RAD23B: variants seen among roughly 807,000 people sequenced by gnomAD.
RAD23B encodes RAD23 nucleotide excision repair protein B.
In RAD23B, 5 loss-of-function variants were observed where a neutral mutation model predicts 49.1. That is an observed-to-expected ratio of 0.10 (90% CI 0.05 to 0.21). The LOEUF (loss-of-function observed/expected upper bound fraction) is 0.21, where lower values mean the gene tolerates loss of function less well. RAD23B is among the 10% of genes least tolerant of loss of function. The pLI is 1.00. For synonymous variants in RAD23B, 184 were observed against 165.4 expected (o/e 1.11, Z -0.86); for missense variants, 356 against 486.7 (o/e 0.73, Z 2.53).
At chr9:107,304,110 A>G (rs774145723) in intron 3 of RAD23B, among the ~76,000 whole-genome samples, 7 of 150,896 alleles carry the variant, frequency 4.6e-5, no homozygotes, top group Non-Finnish European at 7.5e-5. Context: ...AAATGACCTT[A>G]TTAATACAAA....
Position 107,306,428 on chromosome 9 carries a change from C to T in RAD23B, c.278C>T (p.Pro93Leu). The part of the protein sequence containing the change: ...PAPATTQQSA[P>L]ASTTAVTSST... ...CCAGCTACAACTCAGCAGTCAGCTCCTGCCAGCACTACAGCAGTTACTTCC... is the reference window on the plus strand; with the variant it reads ...CCAGCTACAACTCAGCAGTCAGCTCTTGCCAGCACTACAGCAGTTACTTCC... The change falls in exon 4 of 10, where the codon CCT (proline) becomes CTT (leucine). Residue 93 changes from proline to leucine, a missense_variant. Physicochemically the swap from Pro to Leu is moderately conservative, Grantham distance 98. Transcript: ENST00000358015. 6.2e-7 allele frequency: 1 copy of T among 1,614,200 alleles called. No individual in the cohort carries two copies. Among genetic ancestry groups the T allele is most frequent in the Non-Finnish European group, 8.5e-7 (1 of 1,180,038 alleles).
chr9:107,310,453 T>C lies in RAD23B; in HGVS notation c.498-1229T>C, dbSNP rs561553973. Among the ~76,000 whole-genome samples, 9 of 152,320 alleles carry C rather than the reference T, an allele frequency of 5.9e-5. No individual in the cohort carries two copies. In the South Asian group the frequency reaches 1.9e-3, roughly 32 times the overall value. On this transcript the variant is annotated intron_variant, in intron 4 of 9. Coordinates refer to ENST00000358015, the MANE Select transcript of RAD23B (RefSeq NM_002874.5). ...TGATTTGGTCTTTTAAATGGAATAC[T>C]GTGCACATTTGGGAAGAAATTGAAG...
At chr9:107,306,045 T>A (rs10816488) in intron 3 of RAD23B, among the ~76,000 whole-genome samples, 4,922 of 26,102 alleles carry the variant, frequency 0.19, 344 homozygotes, top group Middle Eastern at 0.5. Context: ...ATGATACGGT[T>A]TATATCTATA....
intron 5 of RAD23B, among the ~76,000 whole-genome samples, chr9:107,316,349 A>G (rs565537351): frequency 1.3e-5 from 2 of 152,288 alleles, no homozygotes; most frequent in African/African-American, 4.8e-5. Context: ...TACCCTCCTC[A>G]TCTTTTAAAG....
At chr9:107,321,903 A>G in intron 6 of RAD23B, 80 bp from the exon 7 acceptor site, 1 of 1,323,628 alleles carries the variant, frequency 7.6e-7, no homozygotes, top group Non-Finnish European at 9.9e-7. Flanking sequence ...AAGATGTTAA[A>G]TAGACTATAA....
At chr9:107,301,299 C>T (rs1448706026) in intron 2 of RAD23B, among the ~76,000 whole-genome samples, 4 of 152,098 alleles carry the variant, frequency 2.6e-5, no homozygotes, top group African/African-American at 9.7e-5. Flanking sequence ...TTTTGGGGAG[C>T]AGGAAATTTG....
At chr9:107,284,945 A>G in intron 1 of RAD23B, 1 of 1,301,642 alleles carries the variant, frequency 7.7e-7, no homozygotes, top group South Asian at 1.2e-5. Flanking sequence ...AGTAAATGGA[A>G]TCGATTATTT....
At chr9:107,298,794 A>AAG (rs1454550927) in intron 1 of RAD23B, among the ~76,000 whole-genome samples, 1 of 152,080 alleles carries the variant, frequency 6.6e-6, no homozygotes, top group African/African-American at 2.4e-5. Context: ...AAGCACTGAA[A>AAG]AGACTGACAC....
At chr9:107,296,009 G>A (rs957708017) in intron 1 of RAD23B, among the ~76,000 whole-genome samples, 1 of 152,192 alleles carries the variant, frequency 6.6e-6, no homozygotes, top group African/African-American at 2.4e-5. Context: ...CAAGTATAGT[G>A]AACAGTTAAC....
At chr9:107,285,918 G>T (rs1279545844) in intron 1 of RAD23B, among the ~76,000 whole-genome samples, 1 of 152,166 alleles carries the variant, frequency 6.6e-6, no homozygotes, top group Non-Finnish European at 1.5e-5. Context: ...TAATTAGTAT[G>T]TGTTTTTGAT....
At chr9:107,315,242 G>A (rs988890113) in intron 5 of RAD23B, among the ~76,000 whole-genome samples, 4 of 151,920 alleles carry the variant, frequency 2.6e-5, no homozygotes, top group East Asian at 3.9e-4. Context: ...TCCTTTCCCC[G>A]GTGTATGTTT....
At chr9:107,297,829 A>G (rs1216819440) in intron 1 of RAD23B, among the ~76,000 whole-genome samples, 1 of 152,010 alleles carries the variant, frequency 6.6e-6, no homozygotes, top group Non-Finnish European at 1.5e-5. Context: ...GAAATATGAA[A>G]TATTTAAGTC....
At chr9:107,308,760 G>C (rs1439328409) in intron 4 of RAD23B, among the ~76,000 whole-genome samples, 1 of 152,156 alleles carries the variant, frequency 6.6e-6, no homozygotes, top group Non-Finnish European at 1.5e-5. Context: ...AGAGGAATGA[G>C]GGAAACTCAG....
At chr9:107,294,251 T>C (rs1564241004) in intron 1 of RAD23B, among the ~76,000 whole-genome samples, 1 of 152,236 alleles carries the variant, frequency 6.6e-6, no homozygotes, top group Non-Finnish European at 1.5e-5. Context: ...TGCACGATTT[T>C]TTAAGAGAGA....
chr9:107,330,324 G>A lies in RAD23B; in HGVS notation c.*668G>A, dbSNP rs766426196. The A allele has an allele frequency of 6.6e-6, 1 of 152,550 alleles. No homozygotes were observed. The highest frequency in any genetic ancestry group is 2.4e-5 in the African/African-American group (1 of 41,416). 9.4% of individuals were successfully genotyped at this position (152,550 alleles called of 1,614,324 possible). A position where few individuals can be genotyped will look rare whatever the true frequency, so the allele number is the denominator to read the frequency against. ...AGACCCTTCTAACATGATTTGAGAA[G>A]CTGTACAAGTATAGGCAGAGTTATT... On this transcript the variant is annotated 3_prime_UTR_variant, in exon 10 of 10. Coordinates refer to ENST00000358015, the MANE Select transcript of RAD23B (RefSeq NM_002874.5). This position sits in a 1 kb window ranked among gnomAD's most constrained non-coding sequence, Gnocchi z 4.4.
chr9:107,317,092 G>A (rs1217846200), intron 5 of RAD23B, among the ~76,000 whole-genome samples: 5 of 46,924 alleles, frequency 1.1e-4, no homozygotes, highest in African/African-American at 1.9e-4. Context: ...GCGCACACGC[G>A]TGCGTGTGTG....
chr9:107,286,908 TAAA>T (rs541092064), intron 1 of RAD23B, among the ~76,000 whole-genome samples: 4 of 151,490 alleles, frequency 2.6e-5, no homozygotes, highest in African/African-American at 9.7e-5. Flanking sequence ...CCGTCTCTAC[TAAA>T]AAAAATACAA....
intron 1 of RAD23B, among the ~76,000 whole-genome samples, chr9:107,292,043 G>C (rs913357561): frequency 2.0e-5 from 3 of 152,150 alleles, no homozygotes; most frequent in African/African-American, 7.2e-5. Flanking sequence ...TGTAGACTCT[G>C]TATATCCCTC....
At chr9:107,296,409 A>G (rs1027615019) in intron 1 of RAD23B, among the ~76,000 whole-genome samples, 23 of 152,214 alleles carry the variant, frequency 1.5e-4, no homozygotes, top group African/African-American at 5.3e-4. Flanking sequence ...GTGATAGTCT[A>G]TTGGATTAAT....
Sources: allele counts gnomAD v4.1 joint callset (sites outside exome capture counted in the v4.1 genomes callset), GRCh38; gene constraint gnomAD v4.1.1; non-coding constraint Gnocchi (gnomAD v3.1); transcripts MANE v1.5; gene names NCBI Gene and HGNC (gene_info 2026-07-23, HGNC 2026-07-21).